The following MTCL2 variants were observed in gnomAD, a reference collection of about 807,000 sequenced individuals.
MTCL2 encodes the protein microtubule cross-linking factor 2.
the MTCL2 span, among the ~76,000 whole-genome samples, chr20:36,802,010 G>A: frequency 6.6e-6 from 1 of 151,876 alleles, no homozygotes; most frequent in Admixed American, 6.6e-5. Context: ...GTAAGGCCGG[G>A]CATGGTGGCT....
chr20:36,845,091 C>T, the MTCL2 span, among the ~76,000 whole-genome samples: 15 of 151,742 alleles, frequency 9.9e-5, no homozygotes, highest in African/African-American at 2.9e-4. Flanking sequence ...ACCTGAATTA[C>T]AGTGGCTCTC....
chr20:36,861,448 C>T, the MTCL2 span, among the ~76,000 whole-genome samples: 5 of 152,140 alleles, frequency 3.3e-5, no homozygotes, highest in Admixed American at 2.6e-4. Flanking sequence ...GGCTGGAGAG[C>T]AGATCCCGGG....
the MTCL2 span, among the ~76,000 whole-genome samples, chr20:36,841,794 G>A: frequency 6.6e-6 from 1 of 151,680 alleles, no homozygotes; most frequent in African/African-American, 2.4e-5. Context: ...TGCCTCCCAG[G>A]CTCAAGCCAC....
the MTCL2 span, chr20:36,803,207 GGTCCCCTCAGAA>G: frequency 6.8e-7 from 1 of 1,461,206 alleles, no homozygotes; most frequent in Non-Finnish European, 9.1e-7. Flanking sequence ...AAAGGGGAGA[GGTCCCCTCAGAA>G]GACCCCTCAC....
chr20:36,836,164 A>C, the MTCL2 span, among the ~76,000 whole-genome samples: 1 of 148,732 alleles, frequency 6.7e-6, no homozygotes, highest in Non-Finnish European at 1.5e-5. Context: ...TGAACTTGGA[A>C]ACTAACTCAT....
the MTCL2 span, among the ~76,000 whole-genome samples, chr20:36,810,710 C>T: frequency 3.0e-5 from 4 of 133,826 alleles, no homozygotes; most frequent in Non-Finnish European, 4.6e-5. Context: ...CCCTCCTTCT[C>T]TCTCTCCCTC....
chr20:36,791,175 C>T, the MTCL2 span, among the ~76,000 whole-genome samples: 1 of 152,060 alleles, frequency 6.6e-6, no homozygotes, highest in African/African-American at 2.4e-5. Flanking sequence ...GCTAGGACTA[C>T]AGGTGACCAC....
the MTCL2 span, chr20:36,863,411 G>C: frequency 1.8e-6 from 2 of 1,099,572 alleles, no homozygotes; most frequent in Non-Finnish European, 2.2e-6. This position sits in a 1 kb window ranked among gnomAD's most constrained non-coding sequence, Gnocchi z 6.2. Flanking sequence ...GACGTCCCTG[G>C]GGAGGGACCC....
the MTCL2 span, among the ~76,000 whole-genome samples, chr20:36,808,000 C>T: frequency 3.7e-4 from 55 of 149,984 alleles, 1 homozygote; most frequent in East Asian, 5.8e-3. Flanking sequence ...CTCAGCCTCC[C>T]GAGTAGCTGG....
At chr20:36,815,771 C>G in the MTCL2 span, 73 of 1,590,752 alleles carry the variant, frequency 4.6e-5, no homozygotes, top group Admixed American at 1.8e-5. This position sits in a 1 kb window ranked among gnomAD's most constrained non-coding sequence, Gnocchi z 5.3. Context: ...TGTCCTCCGA[C>G]AGCGCCACGT....
the MTCL2 span, among the ~76,000 whole-genome samples, chr20:36,803,922 A>G: frequency 1.5e-5 from 2 of 133,108 alleles, no homozygotes; most frequent in Admixed American, 1.8e-4. Context: ...GCACCACTGC[A>G]CTCCAGCCTG....
the MTCL2 span, among the ~76,000 whole-genome samples, chr20:36,848,840 T>A: frequency 6.6e-6 from 1 of 152,122 alleles, no homozygotes; most frequent in Non-Finnish European, 1.5e-5. Context: ...CATCATTATA[T>A]GAGTAATATC....
the MTCL2 span, among the ~76,000 whole-genome samples, chr20:36,840,618 G>T: frequency 6.6e-6 from 1 of 151,906 alleles, no homozygotes; most frequent in Non-Finnish European, 1.5e-5. Flanking sequence ...GGGAGGCTGA[G>T]ATGGGCGGAT....
the MTCL2 span, among the ~76,000 whole-genome samples, chr20:36,814,378 A>AT: frequency 6.6e-6 from 1 of 152,172 alleles, no homozygotes; most frequent in African/African-American, 2.4e-5. Context: ...GTAGAGAAGG[A>AT]TTTAGAAGGA....
At chr20:36,827,067 G>A in the MTCL2 span, among the ~76,000 whole-genome samples, 1 of 133,394 alleles carries the variant, frequency 7.5e-6, no homozygotes, top group Admixed American at 7.7e-5. Context: ...TATTTGAGAT[G>A]GAGTTTCACT....
the MTCL2 span, chr20:36,815,788 C>T: frequency 1.1e-5 from 17 of 1,591,048 alleles, no homozygotes; most frequent in East Asian, 2.3e-5. The surrounding 1 kb of genome is among the most constrained non-coding windows in gnomAD (Gnocchi z 5.3). Context: ...ACGTCCAGCT[C>T]GTGCTCCGAG....
chr20:36,840,233 C>T, the MTCL2 span, among the ~76,000 whole-genome samples: 2 of 150,578 alleles, frequency 1.3e-5, no homozygotes, highest in Non-Finnish European at 3.0e-5. Context: ...GGCGCTATCT[C>T]GGCTCACTGC....
the MTCL2 span, among the ~76,000 whole-genome samples, chr20:36,821,083 C>T: frequency 5.3e-5 from 8 of 152,224 alleles, no homozygotes; most frequent in Non-Finnish European, 1.0e-4. Context: ...ACAGTGAACC[C>T]AGTCACCCAG....
chr20:36,859,724 T>C, the MTCL2 span: 1 of 1,231,568 alleles, frequency 8.1e-7, no homozygotes, highest in Non-Finnish European at 1.0e-6. Flanking sequence ...AAGGGGGAGG[T>C]AAGCCTGAGC....
Sources: gnomAD v4.1 joint callset for allele counts (sites outside exome capture counted in the v4.1 genomes callset) on GRCh38, gnomAD v4.1.1 for gene constraint, Gnocchi (gnomAD v3.1) non-coding constraint, MANE v1.5 for transcripts, NCBI Gene and HGNC (gene_info 2026-07-23, HGNC 2026-07-21) for gene names.